Variants in GLI3 observed in about 807,000 individuals in gnomAD.
GLI3 encodes the protein transcription activator GLI3.
A neutral mutation model predicts 100.8 loss-of-function variants in GLI3; 20 were observed. That is an observed-to-expected ratio of 0.20 (90% CI 0.14 to 0.29). GLI3 has a LOEUF of 0.29. Among genes scored for constraint, GLI3 ranks in the 10% least tolerant of loss-of-function variants. The pLI, the probability that GLI3 is intolerant of heterozygous loss-of-function variation, is 1.00. For synonymous variants in GLI3, 938 were observed against 860.5 expected, an observed-to-expected ratio of 1.09 and a Z score of -1.58; for missense variants, 2,040 against 2,128.5, an observed-to-expected ratio of 0.96 and a Z score of 0.82.
intron 7 of GLI3, among the ~76,000 whole-genome samples, 180 bp from the exon 8 acceptor site, chr7:42,026,592 G>A (rs1789121188): frequency 6.6e-6 from 1 of 152,188 alleles, no homozygotes; most frequent in Non-Finnish European, 1.5e-5. Context: ...ACACTGAGAT[G>A]AGACACACAT....
intron 3 of GLI3, among the ~76,000 whole-genome samples, chr7:42,135,427 C>T (rs1248971324): frequency 7.9e-5 from 12 of 152,182 alleles, no homozygotes; most frequent in Non-Finnish European, 1.6e-4. Context: ...TCTCACAGAC[C>T]AGATATATCT....
chr7:42,052,214 G>A (rs1471259013), intron 4 of GLI3, among the ~76,000 whole-genome samples: 2 of 152,088 alleles, frequency 1.3e-5, no homozygotes, highest in Non-Finnish European at 2.9e-5. Context: ...TTCACTTACT[G>A]AAGGAAAACT....
In GLI3 at chr7:42,000,472, C is replaced by T. The variant is rs187026946; in HGVS notation, c.1498-21724G>A. On this transcript the variant is annotated intron_variant, in intron 10 of 14. Coordinates refer to ENST00000395925, the MANE Select transcript of GLI3 (RefSeq NM_000168.6). Reference sequence around the variant, plus strand: ...ATTTTTGTACACCTTGCACACAGGCCAAAAGCCCCCACAGTCATAGGAGGT... The same window carrying T: ...ATTTTTGTACACCTTGCACACAGGCTAAAAGCCCCCACAGTCATAGGAGGT... Among the ~76,000 whole-genome samples, 8 of 152,204 alleles carry T rather than the reference C, an allele frequency of 5.3e-5. No homozygotes were observed. The East Asian group carries it at 1.5e-3, about 29-fold the overall frequency.
At chr7:42,015,735 A>G (rs914016092) in intron 10 of GLI3, among the ~76,000 whole-genome samples, 2 of 151,888 alleles carry the variant, frequency 1.3e-5, no homozygotes, top group African/African-American at 4.8e-5. Flanking sequence ...CAGTTTACAC[A>G]CGCACACACA....
At chr7:42,254,083 G>A (rs771577417) in intron 1 of GLI3, among the ~76,000 whole-genome samples, 1 of 152,052 alleles carries the variant, frequency 6.6e-6, no homozygotes, top group Non-Finnish European at 1.5e-5. Flanking sequence ...GCTGGGCATG[G>A]TGGTGCATGC....
At chr7:42,055,086 T>TAC (rs1376958323) in intron 4 of GLI3, among the ~76,000 whole-genome samples, 1 of 136,468 alleles carries the variant, frequency 7.3e-6, no homozygotes, top group Non-Finnish European at 1.5e-5. Flanking sequence ...TATGTATATA[T>TAC]ACATATATAC....
Position 42,208,215 on chromosome 7 carries a change from G to A in GLI3, c.124+14915C>T, listed in dbSNP as rs1428919689. 2.6e-5 allele frequency among the ~76,000 whole-genome samples: 4 copies of A among 152,208 alleles called. 1 individual carries two copies. In the South Asian group the frequency reaches 6.2e-4, roughly 24 times the overall value. The stretch of plus-strand genomic sequence containing the variant: ...AAAAACACATTTAAGACAGAGGAGA[G>A]CAGGGAATAGCATGGATGGGTCTAA... On this transcript the variant is annotated intron_variant, in intron 2 of 14. Coordinates refer to ENST00000395925, the MANE Select transcript of GLI3 (RefSeq NM_000168.6).
intron 3 of GLI3, among the ~76,000 whole-genome samples, chr7:42,099,426 C>G (rs17530574): frequency 6.6e-6 from 1 of 151,970 alleles, no homozygotes; most frequent in African/African-American, 2.4e-5. Context: ...ACTTAACAGG[C>G]TTTTTTCGTT....
intron 3 of GLI3, among the ~76,000 whole-genome samples, chr7:42,125,246 A>T (rs560227132): frequency 1.3e-5 from 2 of 152,200 alleles, no homozygotes; most frequent in Non-Finnish European, 2.9e-5. Context: ...TGCCTTGTAC[A>T]GGTGGCGCCA....
chr7:42,190,141 A>T (rs1269710027), intron 2 of GLI3, among the ~76,000 whole-genome samples: 1 of 22,684 alleles, frequency 4.4e-5, no homozygotes, highest in Non-Finnish European at 1.0e-4. Flanking sequence ...TCTTACTGTC[A>T]AAAAAAAAAA....
At chr7:42,168,220 T>G (rs1010953279) in intron 2 of GLI3, among the ~76,000 whole-genome samples, 1 of 152,206 alleles carries the variant, frequency 6.6e-6, no homozygotes, top group Non-Finnish European at 1.5e-5. Flanking sequence ...ACTTCATTAC[T>G]CTCATCCTTC....
intron 1 of GLI3, among the ~76,000 whole-genome samples, chr7:42,262,701 C>T (rs1446961806): frequency 3.9e-5 from 6 of 152,154 alleles, no homozygotes; most frequent in Non-Finnish European, 8.8e-5. Flanking sequence ...TTTAAAGAAA[C>T]TCACACTTTG....
At chr7:42,020,175 T>C (rs953739201) in intron 10 of GLI3, among the ~76,000 whole-genome samples, 2 of 152,212 alleles carry the variant, frequency 1.3e-5, no homozygotes, top group Non-Finnish European at 2.9e-5. Context: ...CAAGAGTACA[T>C]GGAGTGCATT....
chr7:42,250,143 T>C (rs1789016772), intron 1 of GLI3, among the ~76,000 whole-genome samples: 1 of 152,132 alleles, frequency 6.6e-6, no homozygotes, highest in African/African-American at 2.4e-5. Flanking sequence ...CTTTCCTTTT[T>C]CCCTTTCCAA....
intron 4 of GLI3, among the ~76,000 whole-genome samples, chr7:42,061,876 G>C (rs181127702): frequency 1.3e-5 from 2 of 152,034 alleles, no homozygotes; most frequent in African/African-American, 4.8e-5. Context: ...CATGGCCTTC[G>C]GGAACTTTGC....
At chr7:41,997,143 G>GT (rs1202866473) in intron 10 of GLI3, among the ~76,000 whole-genome samples, 5 of 152,118 alleles carry the variant, frequency 3.3e-5, no homozygotes, top group Non-Finnish European at 1.5e-5. Flanking sequence ...TGGGAGTTGA[G>GT]TTTTTCCCCC....
chr7:42,014,317 C>T (rs1004906988), intron 10 of GLI3, among the ~76,000 whole-genome samples: 2 of 152,182 alleles, frequency 1.3e-5, no homozygotes, highest in Non-Finnish European at 2.9e-5. Context: ...TACCCACTAC[C>T]CTTCTGCCTT....
rs34546929 is a variant in GLI3, at chr7:42,011,655, C to T, written c.1497+11813G>A. On this transcript the variant is annotated intron_variant, in intron 10 of 14. Transcript: ENST00000395925. ...TGGTAAGTGCAAAAAAGGCAGACAT[C>T]GTACAAAAGGTCACATTTTGTATGA... is the stretch of plus-strand genomic sequence containing the variant. Among the ~76,000 whole-genome samples, 621 of 152,246 alleles carry T rather than the reference C, an allele frequency of 4.1e-3. 3 individuals carry two copies. The highest frequency in any genetic ancestry group is 7.0e-3 in the Non-Finnish European group (478 of 68,026).
intron 1 of GLI3, among the ~76,000 whole-genome samples, chr7:42,235,604 GTA>G (rs1203539912): frequency 6.6e-6 from 1 of 152,208 alleles, no homozygotes; most frequent in Non-Finnish European, 1.5e-5. Flanking sequence ...TCAGCAAAGT[GTA>G]TATACTGTGC....
Sources: allele counts gnomAD v4.1 joint callset (sites outside exome capture counted in the v4.1 genomes callset), GRCh38; gene constraint gnomAD v4.1.1; transcripts MANE v1.5; gene names NCBI Gene and HGNC (gene_info 2026-07-23, HGNC 2026-07-21).